The following TRERF1 variants were observed in gnomAD, a reference collection of about 807,000 sequenced individuals.
TRERF1 encodes the protein transcriptional regulating factor 1.
TRERF1 carries 27 observed loss-of-function variants against 122.9 expected under a neutral mutation model. The observed-to-expected ratio is 0.22, with a 90% confidence interval of 0.16 to 0.30. The LOEUF is 0.30. Ranked by LOEUF, TRERF1 falls within the 10% of genes least tolerant of loss-of-function variation. The probability of loss-of-function intolerance (pLI) is 1.00; values close to 1 mark genes in which losing one functional copy is unlikely to be tolerated. For missense variants in TRERF1, 1,248 were observed against 1,560.3 expected (o/e 0.80, Z 3.37); for synonymous variants, 636 against 641.7 (o/e 0.99, Z 0.13).
chr6:42,254,283 C>T lies in TRERF1; in HGVS notation c.2656+568G>A, dbSNP rs1454439744. Among the ~76,000 whole-genome samples, 8 of 152,308 alleles carry T rather than the reference C, an allele frequency of 5.3e-5. No individual in the cohort carries two copies. The East Asian group carries it at 1.5e-3, about 29-fold the overall frequency. On this transcript the variant is annotated intron_variant, in intron 13 of 17. Transcript: ENST00000372922. ...GGACTCTGCCCATGTCTGTCATAGTCACTGATGCATCTCAGTGTTTAGCAA... is the reference window on the plus strand; with the variant it reads ...GGACTCTGCCCATGTCTGTCATAGTTACTGATGCATCTCAGTGTTTAGCAA...
intron 2 of TRERF1, among the ~76,000 whole-genome samples, chr6:42,388,193 T>C (rs1777119498): frequency 6.6e-6 from 1 of 151,850 alleles, no homozygotes; most frequent in Non-Finnish European, 1.5e-5. Flanking sequence ...CTCAAATAAA[T>C]GTTGTTAAAA....
At chr6:42,248,813 C>T (rs556369273) in intron 13 of TRERF1, among the ~76,000 whole-genome samples, 4 of 152,192 alleles carry the variant, frequency 2.6e-5, no homozygotes, top group East Asian at 3.9e-4. Flanking sequence ...GAATACTTGC[C>T]GGAGTGCATG....
chr6:42,331,995 T>C (rs928762129), intron 3 of TRERF1, among the ~76,000 whole-genome samples: 3 of 152,218 alleles, frequency 2.0e-5, no homozygotes, highest in African/African-American at 7.2e-5. Context: ...CAGGCTACAG[T>C]ACGGTGGTGT....
chr6:42,229,441 G>A (rs540869337), intron 17 of TRERF1, among the ~76,000 whole-genome samples: 12 of 152,106 alleles, frequency 7.9e-5, no homozygotes, highest in Admixed American at 2.0e-4. Flanking sequence ...CCCAACCCAC[G>A]GTCAAAATTC....
chr6:42,236,268 C>T lies in TRERF1; in HGVS notation c.3003G>A (p.Pro1001=), dbSNP rs775608195. The T allele has an allele frequency of 9.3e-6, 15 of 1,612,440 alleles. No individual in the cohort carries two copies. The South Asian group carries it at 1.3e-4, about 14-fold the overall frequency. ...AGGGCTGGCCCAGGGCCTGCAGGGGCGGCCCCTCCGTGGGAGCCAGGACGG... is the reference window on the plus strand; with the variant it reads ...AGGGCTGGCCCAGGGCCTGCAGGGGTGGCCCCTCCGTGGGAGCCAGGACGG... Residue 1001 remains proline, a synonymous_variant, in exon 16 of 18, where the codon CCG becomes CCA. Transcript: ENST00000372922.
At chr6:42,326,815 C>T (rs562122813) in intron 3 of TRERF1, among the ~76,000 whole-genome samples, 1 of 152,298 alleles carries the variant, frequency 6.6e-6, no homozygotes, top group African/African-American at 2.4e-5. Flanking sequence ...ATTAAACAGC[C>T]AGACTGGTAG....
chr6:42,425,189 A>G (rs1004226371), intron 2 of TRERF1, among the ~76,000 whole-genome samples: 1 of 152,184 alleles, frequency 6.6e-6, no homozygotes, highest in Non-Finnish European at 1.5e-5. Context: ...TGCTTCCTCA[A>G]AAACAATAAT....
intron 2 of TRERF1, among the ~76,000 whole-genome samples, chr6:42,401,967 G>A (rs933585291): frequency 5.3e-5 from 8 of 152,156 alleles, no homozygotes; most frequent in African/African-American, 1.2e-4. Flanking sequence ...AGCCGATAAC[G>A]AAGAAATAAG....
intron 2 of TRERF1, among the ~76,000 whole-genome samples, chr6:42,432,842 CAAAAA>C (rs10557615): frequency 1.8e-5 from 2 of 110,396 alleles, no homozygotes; most frequent in Non-Finnish European, 3.8e-5. Flanking sequence ...GACTCTGTCT[CAAAAA>C]AAAAAAAAAA....
intron 8 of TRERF1, among the ~76,000 whole-genome samples, chr6:42,262,878 T>C (rs1285264894): frequency 6.6e-6 from 1 of 152,122 alleles, no homozygotes; most frequent in East Asian, 1.9e-4. Flanking sequence ...GTTACCTCTT[T>C]GGTTGTGGAT....
chr6:42,257,659 T>C (rs949995013), intron 10 of TRERF1, among the ~76,000 whole-genome samples: 1 of 152,220 alleles, frequency 6.6e-6, no homozygotes. Context: ...CTCACCACTC[T>C]ACCACCTGGC....
rs2149980034 is a variant in TRERF1 at position 42,275,438 on chromosome 6, C to T, written c.-258-5590G>A. On this transcript the variant is annotated intron_variant, in intron 4 of 17. Transcript: ENST00000372922. The surrounding 1 kb of genome is among the most constrained non-coding windows in gnomAD (Gnocchi z 4.1). ...CCTAAGGTGCCACTCCACGCTCCCACAGAGCCTGTGACCGCTTTTCCTCTG... is the reference window on the plus strand; with the variant it reads ...CCTAAGGTGCCACTCCACGCTCCCATAGAGCCTGTGACCGCTTTTCCTCTG... Among the ~76,000 whole-genome samples, 2 of 152,368 alleles carry T rather than the reference C, an allele frequency of 1.3e-5. No individual in the cohort carries two copies. Among genetic ancestry groups the T allele is most frequent in the East Asian group, 3.9e-4 (2 of 5,188 alleles).
chr6:42,260,350 C>A (rs1777613341), intron 8 of TRERF1, among the ~76,000 whole-genome samples: 1 of 152,084 alleles, frequency 6.6e-6, no homozygotes. Flanking sequence ...CACTATTGCT[C>A]CCAGAACTCG....
At chr6:42,436,484 T>C (rs1326854824) in intron 2 of TRERF1, among the ~76,000 whole-genome samples, 1 of 152,162 alleles carries the variant, frequency 6.6e-6, no homozygotes, top group African/African-American at 2.4e-5. Flanking sequence ...CATAATATCA[T>C]AGCTAATATT....
intron 2 of TRERF1, among the ~76,000 whole-genome samples, chr6:42,406,337 G>A (rs1341531486): frequency 6.6e-6 from 1 of 151,958 alleles, no homozygotes; most frequent in Non-Finnish European, 1.5e-5. Context: ...CTTCTCTTCT[G>A]CCCCTCTCCT....
intron 3 of TRERF1, among the ~76,000 whole-genome samples, chr6:42,358,713 TAA>T (rs1771082036): frequency 6.6e-6 from 1 of 152,076 alleles, no homozygotes; most frequent in South Asian, 2.1e-4. Flanking sequence ...TGATGAGTGT[TAA>T]GAGTTTTTAA....
chr6:42,349,314 T>C (rs1440379844), intron 3 of TRERF1, among the ~76,000 whole-genome samples: 1 of 151,820 alleles, frequency 6.6e-6, no homozygotes, highest in Non-Finnish European at 1.5e-5. Context: ...TTTTGGGGCA[T>C]CTCAGCTGAG....
At chr6:42,361,868 T>A (rs1771835751) in intron 3 of TRERF1, among the ~76,000 whole-genome samples, 1 of 152,208 alleles carries the variant, frequency 6.6e-6, no homozygotes, top group Admixed American at 6.5e-5. Context: ...TGAGGCTGCC[T>A]AATGGGAGGC....
chr6:42,433,035 A>G (rs1354152640), intron 2 of TRERF1, among the ~76,000 whole-genome samples: 2 of 152,118 alleles, frequency 1.3e-5, no homozygotes, highest in Non-Finnish European at 2.9e-5. Context: ...AATTATAATA[A>G]TAACATTTTG....
Sources: gnomAD v4.1 joint callset for allele counts (sites outside exome capture counted in the v4.1 genomes callset) on GRCh38, gnomAD v4.1.1 for gene constraint, Gnocchi (gnomAD v3.1) non-coding constraint, MANE v1.5 for transcripts, NCBI Gene and HGNC (gene_info 2026-07-23, HGNC 2026-07-21) for gene names.